Variants in RAPGEF1 observed in about 807,000 individuals in gnomAD.
RAPGEF1 encodes the protein CRK SH3-binding GNRP.
Under a neutral mutation model 143.3 loss-of-function variants are expected in RAPGEF1, and 33 were observed. That is an observed-to-expected ratio of 0.23 (90% CI 0.17 to 0.31). The LOEUF (loss-of-function observed/expected upper bound fraction) is 0.31. RAPGEF1 is among the 10% of genes least tolerant of loss of function. The probability of loss-of-function intolerance (pLI) is 1.00; values close to 1 mark genes in which losing one functional copy is unlikely to be tolerated. For missense variants in RAPGEF1, 1,199 were observed against 1,645.4 expected, an observed-to-expected ratio of 0.73 and a Z score of 4.69; for synonymous variants, 629 against 676.5, an observed-to-expected ratio of 0.93 and a Z score of 1.09.
chr9:131,613,250 C>T (rs61053880), intron 12 of RAPGEF1, among the ~76,000 whole-genome samples: 7,733 of 103,870 alleles, frequency 0.074, 571 homozygotes, highest in African/African-American at 0.23. Context: ...GGAGAAAACA[C>T]GGTGGGGGAG....
At position 131,675,864 on chromosome 9, in the gene RAPGEF1, T is replaced by G. The variant is rs1277608105; in HGVS notation, c.62-24915A>C. Reference sequence around the variant, plus strand: ...AACTAGGTGCAAAGTCACAGCATGATTGGGAAACAGCCTGAACTCGAACTG... The same window carrying G: ...AACTAGGTGCAAAGTCACAGCATGAGTGGGAAACAGCCTGAACTCGAACTG... On this transcript the variant is annotated intron_variant, in intron 1 of 26. Coordinates refer to ENST00000683357, the MANE Select transcript of RAPGEF1 (RefSeq NM_001377935.1). This position sits in a 1 kb window ranked among gnomAD's most constrained non-coding sequence, Gnocchi z 4.6. 6.6e-6 allele frequency among the ~76,000 whole-genome samples: 1 copy of G among 151,900 alleles called. No homozygotes were observed. The highest frequency in any genetic ancestry group is 2.4e-5 in the African/African-American group (1 of 41,384).
chr9:131,619,298 G>A lies in RAPGEF1; in HGVS notation c.1906-92C>T, dbSNP rs184847388. The A allele has an allele frequency of 1.0e-5, 11 of 1,093,646 alleles. No individual in the cohort carries two copies. In the East Asian group the frequency reaches 6.6e-4, roughly 66 times the overall value. 67.7% of individuals were successfully genotyped at this position (1,093,646 alleles called of 1,614,324 possible). ...CGTGCAGGGAAAGGCCGTGGAGGTT[G>A]CTCTCCACATCCTCTAACAGACGTT... On this transcript the variant is annotated intron_variant, in intron 11 of 26. Coordinates refer to ENST00000683357, the MANE Select transcript of RAPGEF1 (RefSeq NM_001377935.1).
intron 1 of RAPGEF1, among the ~76,000 whole-genome samples, chr9:131,669,943 A>G (rs1432003855): frequency 6.6e-6 from 1 of 152,210 alleles, no homozygotes; most frequent in African/African-American, 2.4e-5. Context: ...TGGAGCTGGC[A>G]GCGATGACAA....
At chr9:131,697,722 C>T (rs1045741072) in intron 1 of RAPGEF1, among the ~76,000 whole-genome samples, 1 of 152,238 alleles carries the variant, frequency 6.6e-6, no homozygotes, top group Non-Finnish European at 1.5e-5. Flanking sequence ...CAAGACTATA[C>T]AGCCAGTGTC....
intron 1 of RAPGEF1, among the ~76,000 whole-genome samples, chr9:131,688,690 G>A (rs137948030): frequency 4.2e-4 from 64 of 152,220 alleles, no homozygotes; most frequent in African/African-American, 1.3e-3. Flanking sequence ...CCAACACTTT[G>A]GGAGGCCAGG....
intron 26 of RAPGEF1, 142 bp downstream of exon 26, chr9:131,580,121 G>T: frequency 8.6e-7 from 1 of 1,163,080 alleles, no homozygotes. Context: ...GGCAGAAACT[G>T]AAGGGCCCGG....
chr9:131,719,006 G>T (rs577541220), intron 1 of RAPGEF1, among the ~76,000 whole-genome samples: 243 of 152,002 alleles, frequency 1.6e-3, no homozygotes, highest in African/African-American at 5.5e-3. Flanking sequence ...GTGGCTTTTT[G>T]TGTGTGTGTG....
intron 1 of RAPGEF1, chr9:131,737,499 C>G: frequency 6.2e-7 from 1 of 1,613,446 alleles, no homozygotes. Context: ...CAGGCACTTT[C>G]ATCTACAACC....
intron 1 of RAPGEF1, chr9:131,737,356 C>A (rs1250531916): frequency 6.2e-7 from 1 of 1,612,890 alleles, no homozygotes; most frequent in Non-Finnish European, 8.5e-7. Context: ...CAAACACTGT[C>A]CCCTCCAGTG....
At chr9:131,704,118 A>G (rs1002150185) in intron 1 of RAPGEF1, among the ~76,000 whole-genome samples, 2 of 151,980 alleles carry the variant, frequency 1.3e-5, no homozygotes, top group Admixed American at 6.6e-5. Flanking sequence ...AGAGATCAAG[A>G]CACAGGCCTG....
intron 16 of RAPGEF1, 92 bp downstream of exon 16, chr9:131,598,107 G>T: frequency 8.8e-7 from 1 of 1,135,882 alleles, no homozygotes; most frequent in Non-Finnish European, 1.3e-6. Flanking sequence ...TCCTAGGGTT[G>T]TTCTGCTTAT....
At chr9:131,600,106 ACT>A (rs1479021301) in intron 15 of RAPGEF1, among the ~76,000 whole-genome samples, 1 of 151,312 alleles carries the variant, frequency 6.6e-6, no homozygotes, top group African/African-American at 2.4e-5. Context: ...ACAGAGTGAG[ACT>A]CTGTCTCAAG....
At chr9:131,684,695 G>A (rs1236927809) in intron 1 of RAPGEF1, among the ~76,000 whole-genome samples, 3 of 152,170 alleles carry the variant, frequency 2.0e-5, no homozygotes, top group Non-Finnish European at 4.4e-5. Context: ...GGAGAGATCC[G>A]ATAACAAAAA....
intron 1 of RAPGEF1, among the ~76,000 whole-genome samples, chr9:131,654,542 C>T (rs533501932): frequency 2.0e-5 from 3 of 152,174 alleles, no homozygotes; most frequent in Admixed American, 6.5e-5. Context: ...TTTGTCTCTA[C>T]CTACAAAATA....
chr9:131,632,049 C>T (rs963465331), intron 5 of RAPGEF1, among the ~76,000 whole-genome samples: 2 of 152,142 alleles, frequency 1.3e-5, no homozygotes, highest in Non-Finnish European at 2.9e-5. Flanking sequence ...GGCAGAAGGA[C>T]GGCTTGAGCC....
At chr9:131,609,250 G>C (rs1323715034) in intron 12 of RAPGEF1, among the ~76,000 whole-genome samples, 1 of 152,170 alleles carries the variant, frequency 6.6e-6, no homozygotes, top group East Asian at 1.9e-4. Flanking sequence ...GTGTTGCACG[G>C]ATCATCTCAA....
intron 5 of RAPGEF1, among the ~76,000 whole-genome samples, chr9:131,634,713 C>CAAAAAAAAAAAAAA (rs35405559): frequency 3.3e-5 from 2 of 61,222 alleles, no homozygotes; most frequent in Non-Finnish European, 5.4e-5. Context: ...GACTCCGTCT[C>CAAAAAAAAAAAAAA]AAAAAAAAAA....
chr9:131,634,028 G>C (rs768827669), intron 5 of RAPGEF1, among the ~76,000 whole-genome samples: 1 of 152,194 alleles, frequency 6.6e-6, no homozygotes, highest in East Asian at 1.9e-4. Flanking sequence ...TTGTGAGGCC[G>C]AGGCAAGTGA....
At chr9:131,639,030 T>C (rs928339610) in intron 4 of RAPGEF1, among the ~76,000 whole-genome samples, 2 of 152,158 alleles carry the variant, frequency 1.3e-5, no homozygotes, top group African/African-American at 2.4e-5. Flanking sequence ...AAATGTAACA[T>C]TACAAAAATT....
Sources: gnomAD v4.1 joint callset for allele counts (sites outside exome capture counted in the v4.1 genomes callset) on GRCh38, gnomAD v4.1.1 for gene constraint, Gnocchi (gnomAD v3.1) non-coding constraint, MANE v1.5 for transcripts, NCBI Gene and HGNC (gene_info 2026-07-23, HGNC 2026-07-21) for gene names.